The following MAST2 variants were observed in gnomAD, a reference collection of about 807,000 sequenced individuals.
The protein encoded by MAST2 is microtubule-associated serine/threonine-protein kinase 2.
In MAST2, 70 loss-of-function variants were observed where a neutral mutation model predicts 147.4. The observed-to-expected ratio is 0.47, with a 90% CI of 0.39 to 0.58. The LOEUF is 0.58. Ranked by LOEUF, MAST2 falls within the 20% of genes least tolerant of loss-of-function variation. The probability of loss-of-function intolerance (pLI) is 0.00; values close to 1 mark genes in which losing one functional copy is unlikely to be tolerated. For missense variants in MAST2, 2,080 were observed against 2,302.3 expected, an observed-to-expected ratio of 0.90 and a Z score of 1.98; for synonymous variants, 869 against 896.8, an observed-to-expected ratio of 0.97 and a Z score of 0.55.
chr1:45,828,220 A>G (rs1644851457), intron 2 of MAST2, among the ~76,000 whole-genome samples: 1 of 152,218 alleles, frequency 6.6e-6, no homozygotes. Context: ...GAATTGTATC[A>G]TATTTTGTTG....
chr1:45,831,697 C>A (rs1452947252), intron 3 of MAST2, among the ~76,000 whole-genome samples: 1 of 152,092 alleles, frequency 6.6e-6, no homozygotes, highest in East Asian at 1.9e-4. Context: ...AATTACGATA[C>A]CTCATCCTTA....
Position 45,840,743 on chromosome 1 carries a change from G to A in MAST2, c.468+11162G>A, listed in dbSNP as rs374111845. 2.0e-5 allele frequency among the ~76,000 whole-genome samples: 3 copies of A among 152,286 alleles called. No homozygotes were observed. In the East Asian group the frequency reaches 5.8e-4, roughly 29 times the overall value. Reference sequence around the variant, plus strand: ...GTATACTCTTGTAACAAGTAGCTGAGCCTCAGTCAAGCATAGCAGCCAAGT... The same window carrying A: ...GTATACTCTTGTAACAAGTAGCTGAACCTCAGTCAAGCATAGCAGCCAAGT... On this transcript the variant is annotated intron_variant, in intron 3 of 28. Transcript: ENST00000361297.
rs746431001 is a variant in MAST2 at position 46,025,712 on chromosome 1, G to T, written c.1816G>T (p.Ala606Ser). The change falls in exon 16 of 29, where the codon GCC becomes TCC. Residue 606 changes from alanine to serine, a missense_variant. Ala to Ser is a moderately conservative substitution (Grantham distance 99, BLOSUM62 1). Transcript: ENST00000361297. ...TGCCACTCTGCTGAAGAATATTGGG[G>T]CCCTGCCTGTGGACATGGTGCGTCT... ...DCATLLKNIGALPVDMVRLYF... is the reference protein window; with the variant it reads ...DCATLLKNIGSLPVDMVRLYF... The T allele has an allele frequency of 6.2e-7, 1 of 1,614,182 alleles. No individual in the cohort carries two copies. Among genetic ancestry groups the T allele is most frequent in the Non-Finnish European group, 8.5e-7 (1 of 1,180,022 alleles).
At chr1:45,888,477 C>T (rs929234714) in intron 4 of MAST2, among the ~76,000 whole-genome samples, 1 of 151,864 alleles carries the variant, frequency 6.6e-6, no homozygotes, top group Non-Finnish European at 1.5e-5. Flanking sequence ...ATTCTCCCAC[C>T]TCAGCCTCCT....
At chr1:45,879,251 C>G (rs887357121) in intron 3 of MAST2, among the ~76,000 whole-genome samples, 4 of 152,182 alleles carry the variant, frequency 2.6e-5, no homozygotes, top group Admixed American at 1.3e-4. Context: ...ATCTCACATA[C>G]TACCTCAAAA....
intron 3 of MAST2, among the ~76,000 whole-genome samples, chr1:45,852,613 C>G (rs1485088789): frequency 6.6e-6 from 1 of 151,686 alleles, no homozygotes; most frequent in Non-Finnish European, 1.5e-5. Flanking sequence ...TCAAGTGATC[C>G]TCCTCCCTCA....
At chr1:45,812,407 A>T (rs1016387961) in intron 1 of MAST2, among the ~76,000 whole-genome samples, 8 of 150,612 alleles carry the variant, frequency 5.3e-5, no homozygotes, top group African/African-American at 1.5e-4. Context: ...CTCTTGGCCT[A>T]AAGATCAATC....
At chr1:45,975,662 G>A (rs1374661909) in intron 5 of MAST2, among the ~76,000 whole-genome samples, 6 of 146,656 alleles carry the variant, frequency 4.1e-5, no homozygotes, top group Non-Finnish European at 9.0e-5. Context: ...GTGAAACAGA[G>A]CAAGACTCTG....
chr1:45,933,225 T>C (rs1301780487), intron 4 of MAST2, among the ~76,000 whole-genome samples: 1 of 32,194 alleles, frequency 3.1e-5, no homozygotes. Flanking sequence ...CCTGTCTCTT[T>C]AAAAAAAAAA....
At chr1:45,811,793 C>T (rs1294398636) in intron 1 of MAST2, among the ~76,000 whole-genome samples, 25 of 138,866 alleles carry the variant, frequency 1.8e-4, no homozygotes, top group East Asian at 6.5e-4. Flanking sequence ...GCCACCACGC[C>T]CAGCTAATTT....
chr1:45,886,347 C>T lies in MAST2; in HGVS notation c.500+3952C>T, dbSNP rs866384038. 6.2e-3 allele frequency among the ~76,000 whole-genome samples: 842 copies of T among 136,730 alleles called. 8 individuals carry two copies. The highest frequency in any genetic ancestry group is 0.02 in the African/African-American group (740 of 36,926). 89.7% of individuals were successfully genotyped at this position (136,730 alleles called of 152,430 possible). ...ACACACACACACACACACACACACA[C>T]ATTTATAGTGACATTGGTCAGATTA... On this transcript the variant is annotated intron_variant, in intron 4 of 28. Transcript: ENST00000361297.
At chr1:45,931,377 G>GCTTTT (rs1553235899) in intron 4 of MAST2, among the ~76,000 whole-genome samples, 1 of 101,224 alleles carries the variant, frequency 9.9e-6, no homozygotes, top group African/African-American at 3.9e-5. Flanking sequence ...ATTGTGTTCT[G>GCTTTT]TTTTTTTTTT....
chr1:45,860,008 A>G (rs1645921806), intron 3 of MAST2, among the ~76,000 whole-genome samples: 1 of 152,006 alleles, frequency 6.6e-6, no homozygotes, highest in South Asian at 2.1e-4. Flanking sequence ...CTGGGTCTTA[A>G]TTTCTCCAGT....
chr1:45,852,959 G>A (rs112506354), intron 3 of MAST2, among the ~76,000 whole-genome samples: 1,835 of 151,676 alleles, frequency 0.012, 18 homozygotes, highest in Non-Finnish European at 0.02. Flanking sequence ...TGTTGAGATG[G>A]TATCTCTGTC....
intron 4 of MAST2, among the ~76,000 whole-genome samples, chr1:45,903,211 C>T (rs1313532894): frequency 7.4e-6 from 1 of 135,740 alleles, no homozygotes; most frequent in African/African-American, 2.8e-5. Flanking sequence ...CTTACTGCAA[C>T]CTCTGCCTCC....
intron 4 of MAST2, among the ~76,000 whole-genome samples, chr1:45,954,383 A>T (rs1465590909): frequency 1.3e-5 from 2 of 152,204 alleles, no homozygotes; most frequent in Admixed American, 6.5e-5. Flanking sequence ...GTCACAGAGA[A>T]TGCACGATAT....
At chr1:45,932,609 G>T (rs533121463) in intron 4 of MAST2, among the ~76,000 whole-genome samples, 4 of 152,222 alleles carry the variant, frequency 2.6e-5, no homozygotes, top group Admixed American at 6.5e-5. Context: ...GGAGGCGGAG[G>T]TTGTAGTGAG....
At chr1:45,865,224 T>G (rs1028398030) in intron 3 of MAST2, 7 of 417,046 alleles carry the variant, frequency 1.7e-5, no homozygotes, top group African/African-American at 1.4e-4. Context: ...ATAATGTATT[T>G]AATTCATTTG....
intron 4 of MAST2, chr1:45,917,454 T>A (rs1652733673): frequency 7.3e-7 from 1 of 1,366,578 alleles, no homozygotes; most frequent in Non-Finnish European, 9.8e-7. Flanking sequence ...TTTGGCTACT[T>A]CTCCTCTTGC....
Sources: gnomAD v4.1 joint callset for allele counts (sites outside exome capture counted in the v4.1 genomes callset) on GRCh38, gnomAD v4.1.1 for gene constraint, MANE v1.5 for transcripts, NCBI Gene and HGNC (gene_info 2026-07-23, HGNC 2026-07-21) for gene names.